PELI2: variants seen among roughly 807,000 people sequenced by gnomAD.
PELI2 encodes pellino E3 ubiquitin protein ligase family member 2, also known as E3 ubiquitin-protein ligase pellino homolog 2.
In PELI2, 23 loss-of-function variants were observed where a neutral mutation model predicts 42.3. The observed-to-expected ratio is 0.54, with a 90% CI of 0.39 to 0.77. PELI2 has a LOEUF of 0.77. PELI2 is among the 30% of genes least tolerant of loss of function. The probability of loss-of-function intolerance (pLI) is 0.00; values close to 1 mark genes in which losing one functional copy is unlikely to be tolerated. For synonymous variants in PELI2, 245 were observed against 212.2 expected, an observed-to-expected ratio of 1.15 and a Z score of -1.34; for missense variants, 463 against 553.2, an observed-to-expected ratio of 0.84 and a Z score of 1.64.
chr14:56,197,973 C>G lies in PELI2; in HGVS notation c.207+19509C>G, dbSNP rs1886190961. Among the ~76,000 whole-genome samples, 1 of 26,730 alleles carries G rather than the reference C, an allele frequency of 3.7e-5. No individual in the cohort carries two copies. Among genetic ancestry groups the G allele is most frequent in the African/African-American group, 7.3e-5 (1 of 13,696 alleles). 17.5% of individuals were successfully genotyped at this position (26,730 alleles called of 152,430 possible). A position where few individuals can be genotyped will look rare whatever the true frequency, so the allele number is the denominator to read the frequency against. ...CCAGGGATCATGACTGGTGAAGACA[C>G]ACACACACACACACACACACACACA... On this transcript the variant is annotated intron_variant, in intron 2 of 5. Transcript: ENST00000267460. This position sits in a 1 kb window ranked among gnomAD's most constrained non-coding sequence, Gnocchi z 4.9.
At chr14:56,229,021 G>A (rs1259075189) in intron 2 of PELI2, among the ~76,000 whole-genome samples, 3 of 152,328 alleles carry the variant, frequency 2.0e-5, no homozygotes, top group East Asian at 1.9e-4. Context: ...GTCTGAGATC[G>A]AACTGCAAGA....
intron 4 of PELI2, among the ~76,000 whole-genome samples, chr14:56,289,033 A>G (rs1224911829): frequency 2.6e-5 from 4 of 152,200 alleles, no homozygotes; most frequent in Non-Finnish European, 5.9e-5. Context: ...TATGTTCCAT[A>G]CTGGGTGTTT....
At chr14:56,144,292 G>C (rs1471774826) in intron 1 of PELI2, among the ~76,000 whole-genome samples, 1 of 152,124 alleles carries the variant, frequency 6.6e-6, no homozygotes, top group Non-Finnish European at 1.5e-5. Context: ...GCAAGGAATT[G>C]GCTTATGTGA....
intron 2 of PELI2, among the ~76,000 whole-genome samples, chr14:56,253,459 C>T (rs11158087): frequency 0.38 from 57,973 of 152,062 alleles, 12,370 homozygotes; most frequent in South Asian, 0.53. Context: ...ACCCCATGAT[C>T]TCAGACCCAA....
chr14:56,207,889 T>G (rs923439080), intron 2 of PELI2, among the ~76,000 whole-genome samples: 2 of 152,332 alleles, frequency 1.3e-5, no homozygotes, highest in African/African-American at 4.8e-5. Flanking sequence ...ATGCCTTCTC[T>G]CAGGACAGAC....
chr14:56,129,450 G>C (rs1029505576), intron 1 of PELI2, among the ~76,000 whole-genome samples: 2 of 152,194 alleles, frequency 1.3e-5, no homozygotes, highest in Non-Finnish European at 2.9e-5. Flanking sequence ...GAATGTTTTG[G>C]GGTTAAACTC....
At position 56,273,983 on chromosome 14, in the gene PELI2, A is replaced by G. The variant is rs566399874; in HGVS notation, c.208-5693A>G. Reference sequence around the variant, plus strand: ...TTCCTCTCACGTTGCAAGGTGGTCTACTTCAGCTCCAAACATCATGTCATA... The same window carrying G: ...TTCCTCTCACGTTGCAAGGTGGTCTGCTTCAGCTCCAAACATCATGTCATA... On this transcript the variant is annotated intron_variant, in intron 2 of 5. Transcript: ENST00000267460. The surrounding 1 kb of genome is among the most constrained non-coding windows in gnomAD (Gnocchi z 4.3). 6.6e-6 allele frequency among the ~76,000 whole-genome samples: 1 copy of G among 152,286 alleles called. No homozygotes were observed. Among genetic ancestry groups the G allele is most frequent in the Admixed American group, 6.5e-5 (1 of 15,294 alleles).
At chr14:56,274,901 A>T (rs749480162) in intron 2 of PELI2, among the ~76,000 whole-genome samples, 1 of 152,232 alleles carries the variant, frequency 6.6e-6, no homozygotes, top group Non-Finnish European at 1.5e-5. Flanking sequence ...GTTATATTTT[A>T]ACCTAATAAC....
At chr14:56,188,037 C>T (rs1448403985) in intron 2 of PELI2, among the ~76,000 whole-genome samples, 3 of 152,176 alleles carry the variant, frequency 2.0e-5, no homozygotes, top group Non-Finnish European at 4.4e-5. Flanking sequence ...GAAAAGTTGG[C>T]CCAGCTGCCA....
intron 1 of PELI2, among the ~76,000 whole-genome samples, chr14:56,130,749 A>G (rs927176579): frequency 1.3e-5 from 2 of 152,100 alleles, no homozygotes; most frequent in African/African-American, 2.4e-5. Flanking sequence ...TGATGCATCA[A>G]TATGATTTGG....
intron 1 of PELI2, among the ~76,000 whole-genome samples, chr14:56,162,030 A>G (rs946488448): frequency 4.6e-5 from 7 of 152,184 alleles, no homozygotes; most frequent in Non-Finnish European, 8.8e-5. Context: ...TTAGGGGTAC[A>G]TGAGATGTTT....
intron 1 of PELI2, among the ~76,000 whole-genome samples, chr14:56,171,607 C>CT (rs1349320283): frequency 1.3e-5 from 2 of 152,198 alleles, no homozygotes; most frequent in Non-Finnish European, 2.9e-5. Flanking sequence ...GAAGGCCTCA[C>CT]TTTTTTAGAA....
At chr14:56,193,243 A>G (rs1566629751) in intron 2 of PELI2, among the ~76,000 whole-genome samples, 2 of 152,196 alleles carry the variant, frequency 1.3e-5, no homozygotes, top group Admixed American at 6.5e-5. Flanking sequence ...TCCCCAGCCC[A>G]AGACAGAGGG....
At chr14:56,240,207 G>A (rs1001882531) in intron 2 of PELI2, among the ~76,000 whole-genome samples, 5 of 152,172 alleles carry the variant, frequency 3.3e-5, no homozygotes, top group African/African-American at 1.2e-4. Flanking sequence ...CGCCACTCGG[G>A]TGCAGTGTGG....
chr14:56,224,704 G>A (rs1224280105), intron 2 of PELI2, among the ~76,000 whole-genome samples: 1 of 152,114 alleles, frequency 6.6e-6, no homozygotes, highest in African/African-American at 2.4e-5. Flanking sequence ...TTTGATTTCT[G>A]TATATATACA....
At chr14:56,168,347 G>A (rs1397750249) in intron 1 of PELI2, among the ~76,000 whole-genome samples, 3 of 152,192 alleles carry the variant, frequency 2.0e-5, no homozygotes, top group Non-Finnish European at 4.4e-5. Flanking sequence ...TCTACCTGGT[G>A]TTCTATTTTA....
chr14:56,149,177 A>G (rs370603426), intron 1 of PELI2, among the ~76,000 whole-genome samples: 3 of 152,332 alleles, frequency 2.0e-5, no homozygotes, highest in Middle Eastern at 6.8e-3. Context: ...AGGCAGATAA[A>G]ACATTCTAAC....
chr14:56,172,526 G>A (rs988706958), intron 1 of PELI2, among the ~76,000 whole-genome samples: 1 of 152,236 alleles, frequency 6.6e-6, no homozygotes, highest in Non-Finnish European at 1.5e-5. Flanking sequence ...TTCCTTGATA[G>A]GAGAGCGGCT....
Position 56,197,644 on chromosome 14 carries a change from T to A in PELI2, c.207+19180T>A, listed in dbSNP as rs1886173329. On this transcript the variant is annotated intron_variant, in intron 2 of 5. Transcript: ENST00000267460. This position sits in a 1 kb window ranked among gnomAD's most constrained non-coding sequence, Gnocchi z 4.9. ...GTATGTGTTAACTTGGCTGGGCCATTGTGCCTAGATTTGTGGTCAGGTGTT... is the reference window on the plus strand; with the variant it reads ...GTATGTGTTAACTTGGCTGGGCCATAGTGCCTAGATTTGTGGTCAGGTGTT... Among the ~76,000 whole-genome samples, 1 of 152,218 alleles carries A rather than the reference T, an allele frequency of 6.6e-6. No homozygotes were observed. Among genetic ancestry groups the A allele is most frequent in the African/African-American group, 2.4e-5 (1 of 41,438 alleles).
Sources: gnomAD v4.1 joint callset for allele counts (sites outside exome capture counted in the v4.1 genomes callset) on GRCh38, gnomAD v4.1.1 for gene constraint, Gnocchi (gnomAD v3.1) non-coding constraint, MANE v1.5 for transcripts, NCBI Gene and HGNC (gene_info 2026-07-23, HGNC 2026-07-21) for gene names.